PDSS2: variants seen among roughly 807,000 people sequenced by gnomAD.
PDSS2 encodes decaprenyl diphosphate synthase subunit 2, also known as all trans-polyprenyl-diphosphate synthase PDSS2.
A neutral mutation model predicts 44.5 loss-of-function variants in PDSS2; 31 were observed. The ratio of observed to expected loss-of-function variants is 0.70; its 90% CI spans 0.52 to 0.94. PDSS2 has a LOEUF of 0.94. PDSS2 is among the 40% of genes least tolerant of loss of function. The pLI, the probability that PDSS2 is intolerant of heterozygous loss-of-function variation, is 0.00. For missense variants in PDSS2, 452 were observed against 482.2 expected, an observed-to-expected ratio of 0.94 and a Z score of 0.59; for synonymous variants, 157 against 180.3, an observed-to-expected ratio of 0.87 and a Z score of 1.03.
chr6:107,292,510 G>A (rs1008435778), intron 2 of PDSS2, among the ~76,000 whole-genome samples: 1 of 152,136 alleles, frequency 6.6e-6, no homozygotes, highest in Admixed American at 6.6e-5. Context: ...GACTCAGCAA[G>A]GAGTCACCAT....
intron 1 of PDSS2, among the ~76,000 whole-genome samples, chr6:107,447,865 C>T (rs1781739243): frequency 6.6e-6 from 1 of 152,218 alleles, no homozygotes; most frequent in Non-Finnish European, 1.5e-5. Flanking sequence ...AGACTTCTGC[C>T]TGGACATCCA....
intron 3 of PDSS2, among the ~76,000 whole-genome samples, chr6:107,246,232 T>C (rs1375185414): frequency 6.6e-6 from 1 of 152,092 alleles, no homozygotes; most frequent in Admixed American, 6.6e-5. Context: ...TTTTTTTTGT[T>C]AAATCAAGTG....
chr6:107,410,420 T>C (rs1481753708), intron 1 of PDSS2, among the ~76,000 whole-genome samples: 1 of 152,108 alleles, frequency 6.6e-6, no homozygotes, highest in South Asian at 2.1e-4. Flanking sequence ...ATAAAACACT[T>C]TCCTCCTTTC....
chr6:107,352,346 T>C (rs1335733625), intron 1 of PDSS2, among the ~76,000 whole-genome samples: 1 of 152,204 alleles, frequency 6.6e-6, no homozygotes, highest in African/African-American at 2.4e-5. Context: ...TATGGATGAA[T>C]ACATGCAAAG....
chr6:107,387,669 CCA>C (rs1175556868), intron 1 of PDSS2, among the ~76,000 whole-genome samples: 1 of 152,154 alleles, frequency 6.6e-6, no homozygotes, highest in Admixed American at 6.5e-5. Context: ...TAACAGATAT[CCA>C]CAGTTATTCT....
chr6:107,242,847 A>G lies in PDSS2; in HGVS notation c.702+2701T>C, dbSNP rs76009410. 3.2e-3 allele frequency among the ~76,000 whole-genome samples: 480 copies of G among 152,350 alleles called. 6 individuals carry two copies. Among genetic ancestry groups the G allele is most frequent in the African/African-American group, 0.011 (449 of 41,580 alleles). On this transcript the variant is annotated intron_variant, in intron 4 of 7. Transcript: ENST00000369037. The stretch of plus-strand genomic sequence containing the variant: ...ACACCATTCTGTTTCCATTATTAAA[A>G]AAGAATGGCCCTTTAAATGGTTTGG...
rs537939564 is a variant in PDSS2, at chr6:107,378,355, A to C, written c.297-44023T>G. On this transcript the variant is annotated intron_variant, in intron 1 of 7. Coordinates refer to ENST00000369037, the MANE Select transcript of PDSS2 (RefSeq NM_020381.4). ...CAAATGTCATGATTATCTATGTAGA[A>C]AATCATAAATAATCTATTAAAACCT... Among the ~76,000 whole-genome samples the C allele has an allele frequency of 3.3e-5, 5 of 152,138 alleles. No homozygotes were observed. The South Asian group carries it at 1.0e-3, about 32-fold the overall frequency.
chr6:107,276,928 G>A (rs1775803837), intron 2 of PDSS2, among the ~76,000 whole-genome samples: 1 of 152,172 alleles, frequency 6.6e-6, no homozygotes, highest in Admixed American at 6.5e-5. Flanking sequence ...CATTTACCAG[G>A]TAAACACAGA....
intron 2 of PDSS2, among the ~76,000 whole-genome samples, chr6:107,308,564 C>T (rs1028204042): frequency 6.6e-6 from 1 of 152,150 alleles, no homozygotes; most frequent in African/African-American, 2.4e-5. Context: ...AACTGAATGC[C>T]ACAATCTATA....
rs147135926 is a variant in PDSS2, at chr6:107,420,138, T to C, written c.296+38852A>G. The stretch of plus-strand genomic sequence containing the variant: ...TGATATTATTTATACTTAAAACTGA[T>C]AGCACTAAAGGAAAATAATTTTAAA... On this transcript the variant is annotated intron_variant, in intron 1 of 7. Coordinates refer to ENST00000369037, the MANE Select transcript of PDSS2 (RefSeq NM_020381.4). Among the ~76,000 whole-genome samples the C allele has an allele frequency of 4.2e-3, 639 of 152,336 alleles. 4 individuals carry two copies. Among genetic ancestry groups the C allele is most frequent in the African/African-American group, 0.014 (593 of 41,578 alleles).
chr6:107,241,734 C>T (rs1774441884), intron 4 of PDSS2, among the ~76,000 whole-genome samples: 1 of 152,172 alleles, frequency 6.6e-6, no homozygotes, highest in Admixed American at 6.5e-5. Flanking sequence ...ACCTTAGTCA[C>T]ATATATGCTA....
At chr6:107,244,869 T>C (rs1774556447) in intron 4 of PDSS2, among the ~76,000 whole-genome samples, 1 of 152,192 alleles carries the variant, frequency 6.6e-6, no homozygotes, top group Non-Finnish European at 1.5e-5. Context: ...CTTATAATAG[T>C]ATCTACCATG....
Position 107,302,846 on chromosome 6 carries a change from CA to C in PDSS2, c.432-28620del, listed in dbSNP as rs67469482. ...CAGATGTGCTGTAAAAACTTACTACCAAAAAAAAAAAAAGAATTTAAAATAT... is the reference window on the plus strand; with the variant it reads ...CAGATGTGCTGTAAAAACTTACTACCAAAAAAAAAAAAGAATTTAAAATAT... On this transcript the variant is annotated intron_variant, in intron 2 of 7. Coordinates refer to ENST00000369037, the MANE Select transcript of PDSS2 (RefSeq NM_020381.4). 2.2e-3 allele frequency among the ~76,000 whole-genome samples: 316 copies of C among 141,066 alleles called. 1 individual carries two copies. The highest frequency in any genetic ancestry group is 6.2e-3 in the African/African-American group (232 of 37,170). The allele number at this position is 141,066 out of a possible 152,430, so 92.5% of individuals were successfully genotyped here. A position where few individuals can be genotyped will look rare whatever the true frequency, so the allele number is the denominator to read the frequency against.
intron 4 of PDSS2, among the ~76,000 whole-genome samples, chr6:107,226,465 A>G (rs1226088386): frequency 6.6e-6 from 1 of 152,198 alleles, no homozygotes; most frequent in Non-Finnish European, 1.5e-5. Context: ...CAAAGGAAAC[A>G]TAAATAAGGG....
intron 1 of PDSS2, among the ~76,000 whole-genome samples, chr6:107,448,172 T>C (rs1490535973): frequency 6.6e-6 from 1 of 152,210 alleles, no homozygotes; most frequent in Non-Finnish European, 1.5e-5. Flanking sequence ...AGAAGGTCTC[T>C]GACACATCCT....
chr6:107,361,486 G>C (rs1009453462), intron 1 of PDSS2, among the ~76,000 whole-genome samples: 7 of 152,234 alleles, frequency 4.6e-5, no homozygotes, highest in Admixed American at 4.6e-4. Context: ...GAAAACTTCA[G>C]GGTTGACATT....
At chr6:107,320,819 G>C (rs1180658227) in intron 2 of PDSS2, among the ~76,000 whole-genome samples, 1 of 152,162 alleles carries the variant, frequency 6.6e-6, no homozygotes, top group East Asian at 1.9e-4. Context: ...CAAAGAAAAA[G>C]TTTATAACCT....
In PDSS2 at chr6:107,423,169, A is replaced by T. The variant is rs527749519; in HGVS notation, c.296+35821T>A. 1.4e-3 allele frequency among the ~76,000 whole-genome samples: 211 copies of T among 152,302 alleles called. 3 individuals are homozygous for T. The highest frequency in any genetic ancestry group is 4.8e-3 in the African/African-American group (199 of 41,588). Reference sequence around the variant, plus strand: ...AGTTGATAATCTCTGCATCTCTGTTATATCTAGTTGTAAATGGCAATGAGT... The same window carrying T: ...AGTTGATAATCTCTGCATCTCTGTTTTATCTAGTTGTAAATGGCAATGAGT... On this transcript the variant is annotated intron_variant, in intron 1 of 7. Coordinates refer to ENST00000369037, the MANE Select transcript of PDSS2 (RefSeq NM_020381.4).
intron 1 of PDSS2, among the ~76,000 whole-genome samples, chr6:107,375,199 A>G (rs1779248330): frequency 6.6e-6 from 1 of 152,058 alleles, no homozygotes; most frequent in Non-Finnish European, 1.5e-5. Flanking sequence ...AGCGTAATAA[A>G]CCCTAAAAAA....
Sources: allele counts gnomAD v4.1 joint callset (sites outside exome capture counted in the v4.1 genomes callset), GRCh38; gene constraint gnomAD v4.1.1; transcripts MANE v1.5; gene names NCBI Gene and HGNC (gene_info 2026-07-23, HGNC 2026-07-21).